Variants in TTC3 observed in about 807,000 individuals in gnomAD.
TTC3 encodes the protein E3 ubiquitin-protein ligase TTC3.
A neutral mutation model predicts 249.6 loss-of-function variants in TTC3; 180 were observed. That is an observed-to-expected ratio of 0.72 (90% CI 0.64 to 0.82). The LOEUF (loss-of-function observed/expected upper bound fraction) is 0.82, where lower values mean the gene tolerates loss of function less well. Ranked by LOEUF, TTC3 falls within the 40% of genes least tolerant of loss-of-function variation. The probability of loss-of-function intolerance (pLI) is 0.00; values close to 1 mark genes in which losing one functional copy is unlikely to be tolerated. For synonymous variants in TTC3, 717 were observed against 805.0 expected, an observed-to-expected ratio of 0.89 and a Z score of 1.85; for missense variants, 2,061 against 2,398.4, an observed-to-expected ratio of 0.86 and a Z score of 2.94.
exon 46 of TTC3, chr21:37,201,655 C>T: frequency 6.5e-7 from 1 of 1,533,838 alleles, no homozygotes; most frequent in Admixed American, 2.1e-5. Context: ...AAAAAACAAA[C>T]ATTTGAAGAC....
At chr21:37,152,677 C>G (rs1254916647) in intron 26 of TTC3, among the ~76,000 whole-genome samples, 1 of 152,074 alleles carries the variant, frequency 6.6e-6, no homozygotes, top group Non-Finnish European at 1.5e-5. Context: ...CACGCCTGGC[C>G]TAGAGGAACT....
In TTC3 at chr21:37,121,924, C is replaced by CT; in HGVS notation, c.1008_1009insT (p.Lys337Ter). ...TCTGTAAAAATGACCCTGAGGGAAT[C>CT]AAGGATCTAATTCAGCAGCATGTAA... On this transcript the variant is annotated frameshift_variant, in exon 12 of 46. Transcript: ENST00000355666. LOFTEE classifies it high-confidence loss of function. The CT allele has an allele frequency of 6.2e-7, 1 of 1,612,820 alleles. No homozygotes were observed. The highest frequency in any genetic ancestry group is 2.2e-5 in the East Asian group (1 of 44,778).
Position 37,167,017 on chromosome 21 carries a change from G to A in TTC3, c.4401+402G>A, listed in dbSNP as rs1354847255. ...CCAGTTACAGGAGGGCCCACCTGGAGGCCTTCCAGCGTGGGGTGCCTGCCC... is the reference window on the plus strand; with the variant it reads ...CCAGTTACAGGAGGGCCCACCTGGAAGCCTTCCAGCGTGGGGTGCCTGCCC... On this transcript the variant is annotated intron_variant, in intron 33 of 45. Coordinates refer to ENST00000355666, the Ensembl canonical transcript of TTC3. 9.9e-5 allele frequency among the ~76,000 whole-genome samples: 15 copies of A among 152,184 alleles called. 1 individual carries two copies. Among genetic ancestry groups the A allele is most frequent in the Admixed American group, 9.8e-4 (15 of 15,276 alleles).
intron 35 of TTC3, among the ~76,000 whole-genome samples, chr21:37,173,861 G>A (rs1334255610): frequency 6.6e-6 from 1 of 152,184 alleles, no homozygotes; most frequent in Non-Finnish European, 1.5e-5. Context: ...GCTGGGAGAA[G>A]TAAAGAAGAA....
exon 18 of TTC3, chr21:37,135,416 A>T: frequency 6.2e-7 from 1 of 1,613,766 alleles, no homozygotes; most frequent in Non-Finnish European, 8.5e-7. Flanking sequence ...GAGAAGCTTA[A>T]TTCAAGATGG....
intron 1 of TTC3, among the ~76,000 whole-genome samples, chr21:37,079,688 T>C (rs2146875352): frequency 6.6e-6 from 1 of 151,914 alleles, no homozygotes; most frequent in Middle Eastern, 3.4e-3. Context: ...TGCGCCACCA[T>C]GCTTGGCTGA....
rs1054694363 is a variant in TTC3, at chr21:37,152,107, A to C, written c.2413+78A>C. ...TAAATGTAAGCATCTTTTGGGCCTT[A>C]TATTCATCATTATTGAATTGAAATA... On this transcript the variant is annotated intron_variant, in intron 26 of 45. Coordinates refer to ENST00000355666, the Ensembl canonical transcript of TTC3. The C allele has an allele frequency of 2.2e-6, 3 of 1,354,034 alleles. No homozygotes were observed. The African/African-American group carries it at 4.5e-5, about 20-fold the overall frequency. 83.9% of individuals were successfully genotyped at this position (1,354,034 alleles called of 1,614,324 possible).
At chr21:37,089,351 A>G (rs1310721033) in intron 5 of TTC3, among the ~76,000 whole-genome samples, 4 of 151,926 alleles carry the variant, frequency 2.6e-5, no homozygotes, top group Non-Finnish European at 4.4e-5. Flanking sequence ...TTTGAAAGCT[A>G]TTGGATAGCT....
exon 26 of TTC3, chr21:37,151,893 C>G (rs748031256): frequency 1.9e-6 from 3 of 1,585,384 alleles, no homozygotes; most frequent in African/African-American, 2.7e-5. Flanking sequence ...TGTTTATCAG[C>G]CTAGAGAAAC....
chr21:37,106,421 C>A (rs73201946), intron 10 of TTC3, among the ~76,000 whole-genome samples: 17,270 of 152,166 alleles, frequency 0.11, 1,195 homozygotes, highest in Non-Finnish European at 0.15. Flanking sequence ...TACAGTTTAT[C>A]AGTTTTTTCC....
Position 37,078,646 on chromosome 21 carries a change from T to C in TTC3, c.-12+5282T>C, listed in dbSNP as rs556368228. Among the ~76,000 whole-genome samples, 297 of 152,312 alleles carry C rather than the reference T, an allele frequency of 1.9e-3. 1 individual carries two copies. Among genetic ancestry groups the C allele is most frequent in the African/African-American group, 6.9e-3 (287 of 41,588 alleles). ...AAATTTAATGAATTTTTAAAAATAT[T>C]GACCCTTTAGTCATCCACTTGATAA... is the stretch of plus-strand genomic sequence containing the variant. On this transcript the variant is annotated intron_variant, in intron 1 of 45. Coordinates refer to ENST00000355666, the Ensembl canonical transcript of TTC3.
At chr21:37,116,282 G>T in intron 11 of TTC3, among the ~76,000 whole-genome samples, 1 of 152,122 alleles carries the variant, frequency 6.6e-6, no homozygotes, top group Non-Finnish European at 1.5e-5. Context: ...AACATAGGCT[G>T]GAAAAATATC....
chr21:37,159,843 G>A (rs1046242888), intron 29 of TTC3, 98 bp downstream of exon 29: 13 of 1,149,932 alleles, frequency 1.1e-5, no homozygotes, highest in Middle Eastern at 1.9e-4. Context: ...ATCACAGCCA[G>A]CATTCAAGAA....
At chr21:37,109,289 G>A (rs2075378873) in intron 11 of TTC3, among the ~76,000 whole-genome samples, 1 of 152,178 alleles carries the variant, frequency 6.6e-6, no homozygotes, top group African/African-American at 2.4e-5. Context: ...AAGCGCAAGG[G>A]GTCAGGGAAT....
chr21:37,175,038 G>A (rs1475308731), intron 35 of TTC3, among the ~76,000 whole-genome samples: 2 of 147,896 alleles, frequency 1.4e-5, no homozygotes, highest in South Asian at 2.2e-4. Context: ...GGTGGATCAC[G>A]AGGTCAGGAG....
chr21:37,193,857 CA>C (rs1379692325), intron 41 of TTC3: 1 of 152,234 alleles, frequency 6.6e-6, no homozygotes, highest in Non-Finnish European at 1.5e-5. Flanking sequence ...CGGCGTGGAT[CA>C]GGGGCCACTA....
intron 20 of TTC3, among the ~76,000 whole-genome samples, chr21:37,144,010 G>A (rs960168434): frequency 1.1e-4 from 17 of 151,488 alleles, no homozygotes; most frequent in South Asian, 2.1e-4. Context: ...ACCAAACACC[G>A]CATGTTCTCA....
intron 10 of TTC3, among the ~76,000 whole-genome samples, chr21:37,100,516 C>CGAACA (rs10665698): frequency 2.6e-5 from 4 of 151,484 alleles, no homozygotes; most frequent in Non-Finnish European, 5.9e-5. Flanking sequence ...ATGCTTCCTT[C>CGAACA]TGGTGGCAGT....
chr21:37,091,162 G>C, intron 6 of TTC3, 131 bp from the exon 7 acceptor site: 1 of 907,052 alleles, frequency 1.1e-6, no homozygotes, highest in South Asian at 1.5e-5. Context: ...TGCCAGAGTA[G>C]CAAAAAATAA....
Sources: allele counts gnomAD v4.1 joint callset (sites outside exome capture counted in the v4.1 genomes callset), GRCh38; gene constraint gnomAD v4.1.1; transcripts MANE v1.5; gene names NCBI Gene and HGNC (gene_info 2026-07-23, HGNC 2026-07-21).